Variants in XYLT1 observed in about 807,000 individuals in gnomAD.
The protein encoded by XYLT1 is beta-D-xylosyltransferase 1.
A neutral mutation model predicts 91.3 loss-of-function variants in XYLT1; 36 were observed. That is an observed-to-expected ratio of 0.39 (90% confidence interval 0.30 to 0.52). The LOEUF (loss-of-function observed/expected upper bound fraction) is 0.52, where lower values mean the gene tolerates loss of function less well. XYLT1 is among the 20% of genes least tolerant of loss of function. XYLT1 has a pLI of 0.68. For synonymous variants in XYLT1, 588 were observed against 532.0 expected, an observed-to-expected ratio of 1.11 and a Z score of -1.45; for missense variants, 1,242 against 1,284.5, an observed-to-expected ratio of 0.97 and a Z score of 0.51.
rs1217416526 is a variant in XYLT1, at chr16:17,104,858, C to G, written c.*3837G>C. The G allele has an allele frequency of 5.3e-5, 8 of 152,258 alleles. No homozygotes were observed. The highest frequency in any genetic ancestry group is 1.9e-4 in the African/African-American group (8 of 41,430). 9.4% of individuals were successfully genotyped at this position (152,258 alleles called of 1,614,324 possible). ...ACCACAGTCCCCATCCTTGCCCCCA[C>G]CATGCCCTTTTGCCTCACACCAACC... On this transcript the variant is annotated 3_prime_UTR_variant, in exon 12 of 12. Coordinates refer to ENST00000261381, the MANE Select transcript of XYLT1 (RefSeq NM_022166.4).
At chr16:17,186,395 GC>G (rs1319627317) in intron 5 of XYLT1, among the ~76,000 whole-genome samples, 1 of 151,718 alleles carries the variant, frequency 6.6e-6, no homozygotes, top group Non-Finnish European at 1.5e-5. Context: ...GAGCCACCAT[GC>G]CCAGCCGATT....
intron 1 of XYLT1, among the ~76,000 whole-genome samples, chr16:17,368,563 AT>A (rs1278537685): frequency 2.3e-3 from 301 of 130,378 alleles, no homozygotes; most frequent in South Asian, 0.016. Flanking sequence ...GGATAGATAG[AT>A]TTTTTTTTTT....
intron 1 of XYLT1, among the ~76,000 whole-genome samples, chr16:17,457,666 C>A (rs2036762591): frequency 6.6e-6 from 1 of 152,220 alleles, no homozygotes; most frequent in South Asian, 2.1e-4. Context: ...GAGCATTTTA[C>A]ATCCACAACA....
At chr16:17,247,449 A>G (rs542865160) in intron 3 of XYLT1, among the ~76,000 whole-genome samples, 301 of 152,288 alleles carry the variant, frequency 2.0e-3, no homozygotes, top group Non-Finnish European at 3.7e-3. Flanking sequence ...CCAGAACCAC[A>G]AGAGCTGCCA....
intron 3 of XYLT1, among the ~76,000 whole-genome samples, chr16:17,237,459 A>G (rs1443081426): frequency 6.6e-6 from 1 of 152,130 alleles, no homozygotes. Flanking sequence ...GAGGTTTAAG[A>G]TCAATGCCCT....
At chr16:17,302,231 A>ACT (rs1468215186) in intron 2 of XYLT1, among the ~76,000 whole-genome samples, 307 of 151,498 alleles carry the variant, frequency 2.0e-3, no homozygotes, top group African/African-American at 5.3e-3. Flanking sequence ...TACTACTACT[A>ACT]ATAATAATAA....
chr16:17,310,072 A>G (rs2034523912), intron 2 of XYLT1, among the ~76,000 whole-genome samples: 1 of 152,166 alleles, frequency 6.6e-6, no homozygotes, highest in Non-Finnish European at 1.5e-5. Flanking sequence ...TTCAGGAATG[A>G]GCTGCAACAA....
intron 5 of XYLT1, among the ~76,000 whole-genome samples, chr16:17,188,087 G>A (rs2032226743): frequency 1.3e-5 from 2 of 152,032 alleles, no homozygotes; most frequent in Admixed American, 6.6e-5. Context: ...CTTCATGGCT[G>A]CTTGGGTTCA....
At position 17,197,022 on chromosome 16, in the gene XYLT1, TATATATATAG is replaced by T. The variant is rs540012834; in HGVS notation, c.1289+1180_1289+1189del. On this transcript the variant is annotated intron_variant, in intron 5 of 11. Coordinates refer to ENST00000261381, the MANE Select transcript of XYLT1 (RefSeq NM_022166.4). ...CGAGACTCTGTCTCCAAAATATATATATATATATAGATATATATACCGTTCAGAATATCAT... is the reference window on the plus strand; with the variant it reads ...CGAGACTCTGTCTCCAAAATATATATATATATATACCGTTCAGAATATCAT... 9.6e-4 allele frequency among the ~76,000 whole-genome samples: 114 copies of T among 119,136 alleles called. 10 individuals carry two copies. Among genetic ancestry groups the T allele is most frequent in the Admixed American group, 3.6e-3 (45 of 12,434 alleles). The allele number at this position is 119,136 out of a possible 152,430, so 78.2% of individuals were successfully genotyped here. A position where few individuals can be genotyped will look rare whatever the true frequency, so the allele number is the denominator to read the frequency against.
At chr16:17,461,968 T>C (rs910843591) in intron 1 of XYLT1, among the ~76,000 whole-genome samples, 2 of 152,204 alleles carry the variant, frequency 1.3e-5, no homozygotes, top group African/African-American at 4.8e-5. Context: ...TTTGGTGCAT[T>C]CGATAAATGC....
intron 1 of XYLT1, among the ~76,000 whole-genome samples, chr16:17,420,134 C>G (rs2036233625): frequency 1.3e-5 from 2 of 152,086 alleles, no homozygotes; most frequent in South Asian, 4.2e-4. Context: ...CCACGTTATC[C>G]AAAACTAGCA....
chr16:17,271,465 G>GAC (rs752508352), intron 2 of XYLT1, among the ~76,000 whole-genome samples: 11 of 152,070 alleles, frequency 7.2e-5, no homozygotes, highest in African/African-American at 2.4e-4. Context: ...CAGAGAGGGA[G>GAC]ACACACACAC....
intron 1 of XYLT1, among the ~76,000 whole-genome samples, chr16:17,392,128 C>A (rs1444730482): frequency 6.6e-6 from 1 of 152,220 alleles, no homozygotes; most frequent in African/African-American, 2.4e-5. Flanking sequence ...ACTTCCCCAT[C>A]TCCCTGGAAA....
chr16:17,358,086 GA>G, intron 1 of XYLT1, 36 bp from the exon 2 acceptor site: 2 of 1,586,440 alleles, frequency 1.3e-6, no homozygotes, highest in African/African-American at 1.4e-5. Context: ...CGTGAGGAGT[GA>G]AAAAAAGTTA....
intron 1 of XYLT1, among the ~76,000 whole-genome samples, chr16:17,442,684 G>A (rs139500266): frequency 6.6e-6 from 1 of 152,294 alleles, no homozygotes; most frequent in East Asian, 1.9e-4. Flanking sequence ...CCCAGGGGAT[G>A]CTGGGAAGAA....
At chr16:17,464,319 T>C (rs1319114251) in intron 1 of XYLT1, among the ~76,000 whole-genome samples, 2 of 151,936 alleles carry the variant, frequency 1.3e-5, no homozygotes. Flanking sequence ...CAAAACCTCA[T>C]CTCTACTAAA....
chr16:17,286,984 C>T (rs1054429066), intron 2 of XYLT1, among the ~76,000 whole-genome samples: 5 of 152,134 alleles, frequency 3.3e-5, no homozygotes, highest in Non-Finnish European at 5.9e-5. Flanking sequence ...ATTCACTGAT[C>T]CTGCAGCTTT....
chr16:17,205,967 G>A (rs2032636098), intron 3 of XYLT1, among the ~76,000 whole-genome samples: 1 of 152,162 alleles, frequency 6.6e-6, no homozygotes, highest in Non-Finnish European at 1.5e-5. Flanking sequence ...AAGGTTGTAT[G>A]CAAATGAGGC....
chr16:17,389,533 G>A (rs957812911), intron 1 of XYLT1, among the ~76,000 whole-genome samples: 2 of 152,154 alleles, frequency 1.3e-5, no homozygotes, highest in African/African-American at 4.8e-5. Flanking sequence ...ATGCAGCCCC[G>A]GAGTGGATCT....
Sources: gnomAD v4.1 joint callset for allele counts (sites outside exome capture counted in the v4.1 genomes callset) on GRCh38, gnomAD v4.1.1 for gene constraint, MANE v1.5 for transcripts, NCBI Gene and HGNC (gene_info 2026-07-23, HGNC 2026-07-21) for gene names.